The following REV1 variants were observed in gnomAD, a reference collection of about 807,000 sequenced individuals.
REV1 encodes the protein translesion synthesis protein REV1.
REV1 carries 42 observed loss-of-function variants against 137.4 expected under a neutral mutation model. The ratio of observed to expected loss-of-function variants is 0.31; its 90% CI spans 0.24 to 0.40. The LOEUF (loss-of-function observed/expected upper bound fraction) is 0.40. REV1 is among the 10% of genes least tolerant of loss of function. The probability of loss-of-function intolerance (pLI) is 1.00; values close to 1 mark genes in which losing one functional copy is unlikely to be tolerated. For missense variants in REV1, 1,282 were observed against 1,490.1 expected (o/e 0.86, Z 2.30); for synonymous variants, 524 against 519.2 (o/e 1.01, Z -0.12).
intron 14 of REV1, among the ~76,000 whole-genome samples, chr2:99,409,453 A>G (rs991418611): frequency 1.3e-5 from 2 of 152,228 alleles, no homozygotes; most frequent in Admixed American, 1.3e-4. Context: ...GATGAAATAC[A>G]GTGCAATATA....
At chr2:99,456,427 G>A (rs918952941) in intron 3 of REV1, among the ~76,000 whole-genome samples, 1 of 152,182 alleles carries the variant, frequency 6.6e-6, no homozygotes, top group Non-Finnish European at 1.5e-5. Flanking sequence ...GTTAGAGAGC[G>A]ACTGGAGGGC....
At chr2:99,436,324 G>T (rs1420327240) in intron 6 of REV1, among the ~76,000 whole-genome samples, 1 of 152,138 alleles carries the variant, frequency 6.6e-6, no homozygotes, top group Non-Finnish European at 1.5e-5. Flanking sequence ...TGCTTGGTAG[G>T]TGTCAGGCAC....
intron 13 of REV1, among the ~76,000 whole-genome samples, chr2:99,411,808 T>TA (rs562622876): frequency 6.3e-4 from 96 of 152,170 alleles, no homozygotes; most frequent in Non-Finnish European, 1.2e-3. Flanking sequence ...ACACTGTGCT[T>TA]ACAGCCCAAA....
At chr2:99,439,474 C>T (rs768110261) in intron 5 of REV1, among the ~76,000 whole-genome samples, 164 bp from the exon 6 acceptor site, 1 of 149,806 alleles carries the variant, frequency 6.7e-6, no homozygotes, top group Non-Finnish European at 1.5e-5. Flanking sequence ...AACCCTGAAA[C>T]TTAAACCACA....
intron 3 of REV1, among the ~76,000 whole-genome samples, chr2:99,458,995 T>A (rs977614006): frequency 3.9e-5 from 6 of 151,924 alleles, no homozygotes; most frequent in African/African-American, 1.2e-4. Flanking sequence ...GATCACGAGG[T>A]CAGGAGATCA....
chr2:99,421,596 T>C lies in REV1; in HGVS notation c.1734A>G (p.Glu578=), dbSNP rs564620546. ...GAGTAAGTTTGGTCTCTGCAAGGAT[T>C]TCGGTAATGTCTACCAGCGCTTCAT... ...SCDEALVDIT[E]ILAETKLTPD... Residue 578 remains glutamate (E), a synonymous_variant, in exon 11 of 23, where the codon GAA becomes GAG. Transcript: ENST00000258428. 1 of 1,614,156 alleles carries C rather than the reference T, an allele frequency of 6.2e-7. No individual in the cohort carries two copies. Among genetic ancestry groups the C allele is most frequent in the African/African-American group, 1.3e-5 (1 of 75,058 alleles).
Position 99,462,678 on chromosome 2 carries a change from T to A in REV1, c.55-56A>T, listed in dbSNP as rs1292329929. On this transcript the variant is annotated intron_variant, in intron 2 of 22. Coordinates refer to ENST00000258428, the MANE Select transcript of REV1 (RefSeq NM_016316.4). ...AAAGGTTACATTTTCTCCCCCCTTT[T>A]TTGAAAAAAAAAAATTTTAAAAACT... 23 of 1,561,592 alleles carry A rather than the reference T, an allele frequency of 1.5e-5. No individual in the cohort carries two copies. In the East Asian group the frequency reaches 3.2e-4, roughly 21 times the overall value.
intron 6 of REV1, 71 bp downstream of exon 6, chr2:99,438,530 C>T: frequency 1.7e-6 from 2 of 1,147,092 alleles, no homozygotes; most frequent in Non-Finnish European, 2.5e-6. Flanking sequence ...CCAGAAATAC[C>T]AATAATAGCA....
At chr2:99,489,343 A>C (rs1182455706) in intron 1 of REV1, among the ~76,000 whole-genome samples, 1 of 152,160 alleles carries the variant, frequency 6.6e-6, no homozygotes, top group African/African-American at 2.4e-5. Flanking sequence ...CCGGGTCGAC[A>C]TTCTACAAAC....
At chr2:99,403,152 A>G (rs769315424) in intron 19 of REV1, 46 bp from the exon 20 acceptor site, 1 of 1,325,514 alleles carries the variant, frequency 7.5e-7, no homozygotes, top group South Asian at 1.4e-5. Context: ...GATAGTATGG[A>G]TAGTCTGGAT....
At chr2:99,467,627 G>C (rs1408117651) in intron 1 of REV1, among the ~76,000 whole-genome samples, 1 of 152,166 alleles carries the variant, frequency 6.6e-6, no homozygotes, top group African/African-American at 2.4e-5. Context: ...TAGAGTCCAA[G>C]GGTCTTCCAA....
rs1687274821 is a variant in REV1 at position 99,487,579 on chromosome 2, GA to G, written c.-11+2237del. On this transcript the variant is annotated intron_variant, in intron 1 of 22. Coordinates refer to ENST00000258428, the MANE Select transcript of REV1 (RefSeq NM_016316.4). ...CGTCTCGTCTCCTGACTTGCCTTTGGAAAAAAATAAGATTATTTTTTAATGT... is the reference window on the plus strand; with the variant it reads ...CGTCTCGTCTCCTGACTTGCCTTTGGAAAAAATAAGATTATTTTTTAATGT... Among the ~76,000 whole-genome samples, 2 of 118,060 alleles carry G rather than the reference GA, an allele frequency of 1.7e-5. 1 individual carries two copies. Among genetic ancestry groups the G allele is most frequent in the South Asian group, 4.9e-4 (2 of 4,112 alleles). 77.5% of individuals were successfully genotyped at this position (118,060 alleles called of 152,430 possible). A position where few individuals can be genotyped will look rare whatever the true frequency, so the allele number is the denominator to read the frequency against.
At chr2:99,433,212 C>T (rs1680333640) in intron 8 of REV1, among the ~76,000 whole-genome samples, 1 of 152,078 alleles carries the variant, frequency 6.6e-6, no homozygotes, top group Non-Finnish European at 1.5e-5. Flanking sequence ...AACCATACTA[C>T]CAATACCTAA....
intron 9 of REV1, among the ~76,000 whole-genome samples, chr2:99,428,862 A>G (rs975756928): frequency 1.2e-4 from 19 of 152,020 alleles, no homozygotes; most frequent in East Asian, 7.8e-4. Flanking sequence ...TGTGGTGGCG[A>G]GCACCTGTAG....
chr2:99,418,463 G>A (rs890490292), intron 12 of REV1, among the ~76,000 whole-genome samples: 40 of 152,204 alleles, frequency 2.6e-4, no homozygotes, highest in African/African-American at 9.4e-4. Flanking sequence ...TAGGAGAATC[G>A]AAGCTCAAAA....
chr2:99,442,529 A>C, intron 4 of REV1, 60 bp from the exon 5 acceptor site: 1 of 1,457,696 alleles, frequency 6.9e-7, no homozygotes, highest in Non-Finnish European at 9.6e-7. Context: ...AGCTTCATGA[A>C]AAATATTCAA....
At chr2:99,482,087 T>C (rs1333629093) in intron 1 of REV1, among the ~76,000 whole-genome samples, 1 of 152,182 alleles carries the variant, frequency 6.6e-6, no homozygotes, top group African/African-American at 2.4e-5. Flanking sequence ...GGGTTGGGCT[T>C]TGAGCAACCT....
intron 2 of REV1, among the ~76,000 whole-genome samples, chr2:99,463,757 G>A (rs894888202): frequency 1.3e-5 from 2 of 152,016 alleles, no homozygotes; most frequent in African/African-American, 4.8e-5. Context: ...CCAAGTAGCT[G>A]GGATTATAGG....
At chr2:99,437,774 C>T (rs1680946957) in intron 6 of REV1, among the ~76,000 whole-genome samples, 2 of 152,038 alleles carry the variant, frequency 1.3e-5, no homozygotes, top group Admixed American at 1.3e-4. Context: ...AATCTAGTAT[C>T]TATATTATTC....
Sources: allele counts gnomAD v4.1 joint callset (sites outside exome capture counted in the v4.1 genomes callset), GRCh38; gene constraint gnomAD v4.1.1; transcripts MANE v1.5; gene names NCBI Gene and HGNC (gene_info 2026-07-23, HGNC 2026-07-21).